The following CENPW variants were observed in gnomAD, a reference collection of about 807,000 sequenced individuals.
CENPW encodes centromere protein W, also known as cancer-up-regulated gene 2 protein.
In CENPW, 3 loss-of-function variants were observed where a neutral mutation model predicts 11.1. The observed-to-expected ratio is 0.27, with a 90% CI of 0.12 to 0.70. The LOEUF is 0.70. Among genes scored for constraint, CENPW ranks in the 30% least tolerant of loss-of-function variants. CENPW has a pLI of 0.77. For synonymous variants in CENPW, 38 were observed against 42.0 expected (o/e 0.91, Z 0.37); for missense variants, 100 against 105.6 (o/e 0.95, Z 0.23).
At chr6:126,413,289 A>G in the CENPW span, among the ~76,000 whole-genome samples, 38 of 152,146 alleles carry the variant, frequency 2.5e-4, no homozygotes, top group Non-Finnish European at 4.7e-4. Flanking sequence ...AAATAGTCAA[A>G]TTGTCAAAAA....
At chr6:126,387,362 A>G in the CENPW span, among the ~76,000 whole-genome samples, 1 of 151,996 alleles carries the variant, frequency 6.6e-6, no homozygotes, top group Non-Finnish European at 1.5e-5. Flanking sequence ...GGTGTTTCAT[A>G]TACGGCGTAG....
At chr6:126,469,565 A>AATGGGC in the CENPW span, among the ~76,000 whole-genome samples, 43 of 152,206 alleles carry the variant, frequency 2.8e-4, no homozygotes, top group Non-Finnish European at 5.9e-4. Context: ...GGAACTAGGT[A>AATGGGC]ATGGGCAGAG....
the CENPW span, among the ~76,000 whole-genome samples, chr6:126,364,941 C>A: frequency 6.6e-6 from 1 of 152,186 alleles, no homozygotes; most frequent in Non-Finnish European, 1.5e-5. Flanking sequence ...CACAATTATT[C>A]ACTTATTCAT....
the CENPW span, among the ~76,000 whole-genome samples, chr6:126,382,015 C>T: frequency 6.6e-6 from 1 of 152,078 alleles, no homozygotes; most frequent in African/African-American, 2.4e-5. Context: ...AGGTGGATCA[C>T]CTGAGGTCAG....
At chr6:126,440,749 T>C in the CENPW span, among the ~76,000 whole-genome samples, 2 of 151,464 alleles carry the variant, frequency 1.3e-5, no homozygotes, top group African/African-American at 4.8e-5. Flanking sequence ...TGGCATTAAT[T>C]AGATAAATTA....
At chr6:126,422,399 C>A in the CENPW span, among the ~76,000 whole-genome samples, 1 of 152,046 alleles carries the variant, frequency 6.6e-6, no homozygotes, top group African/African-American at 2.4e-5. Context: ...AAGGTGCTGG[C>A]AGGTTTGATT....
At chr6:126,428,988 G>C in the CENPW span, among the ~76,000 whole-genome samples, 10 of 151,956 alleles carry the variant, frequency 6.6e-5, no homozygotes, top group Non-Finnish European at 1.3e-4. Flanking sequence ...AACACAAAGA[G>C]CACACACAAG....
At chr6:126,385,966 A>G in the CENPW span, among the ~76,000 whole-genome samples, 14 of 152,126 alleles carry the variant, frequency 9.2e-5, no homozygotes, top group Non-Finnish European at 1.9e-4. Flanking sequence ...GGTAAGCTAA[A>G]CTTTCAGATA....
At chr6:126,482,541 A>G in the CENPW span, among the ~76,000 whole-genome samples, 2 of 151,910 alleles carry the variant, frequency 1.3e-5, no homozygotes, top group Non-Finnish European at 2.9e-5. Context: ...ACATGATATT[A>G]TGTATGGATT....
At chr6:126,472,774 T>C in the CENPW span, among the ~76,000 whole-genome samples, 1 of 152,136 alleles carries the variant, frequency 6.6e-6, no homozygotes, top group Non-Finnish European at 1.5e-5. Flanking sequence ...CATATGAGAG[T>C]TACAGTTCCT....
chr6:126,407,724 G>A, the CENPW span, among the ~76,000 whole-genome samples: 1 of 152,148 alleles, frequency 6.6e-6, no homozygotes, highest in Admixed American at 6.5e-5. Flanking sequence ...TTGCATGAAT[G>A]TCTTCTTTTG....
At chr6:126,346,018 CTT>C (rs1200160073) in intron 1 of CENPW, among the ~76,000 whole-genome samples, 185 bp from the exon 2 acceptor site, 1 of 152,154 alleles carries the variant, frequency 6.6e-6, no homozygotes, top group Non-Finnish European at 1.5e-5. Context: ...GACGAAGTCT[CTT>C]TGCAGGGAAT....
chr6:126,458,610 C>T, the CENPW span, among the ~76,000 whole-genome samples: 1 of 151,154 alleles, frequency 6.6e-6, no homozygotes, highest in Non-Finnish European at 1.5e-5. Context: ...AATGAATTTT[C>T]AGGACGACAC....
At chr6:126,445,478 T>G in the CENPW span, among the ~76,000 whole-genome samples, 6 of 151,344 alleles carry the variant, frequency 4.0e-5, no homozygotes, top group East Asian at 5.9e-4. Context: ...GGATTTGAAC[T>G]CTTTTCCTTG....
chr6:126,359,491 C>G, the CENPW span, among the ~76,000 whole-genome samples: 3 of 151,952 alleles, frequency 2.0e-5, no homozygotes, highest in African/African-American at 7.2e-5. Context: ...GTTTTCTGCT[C>G]CAGTGATCTG....
At chr6:126,409,806 C>T in the CENPW span, among the ~76,000 whole-genome samples, 1 of 151,622 alleles carries the variant, frequency 6.6e-6, no homozygotes, top group East Asian at 1.9e-4. Flanking sequence ...ACATCTTTAC[C>T]AGTGAAGTGA....
chr6:126,411,575 T>A, the CENPW span, among the ~76,000 whole-genome samples: 2 of 152,094 alleles, frequency 1.3e-5, no homozygotes, highest in Non-Finnish European at 2.9e-5. Flanking sequence ...GATGTGGACT[T>A]CCCACAGGGT....
At chr6:126,396,453 C>A in the CENPW span, among the ~76,000 whole-genome samples, 4 of 152,188 alleles carry the variant, frequency 2.6e-5, no homozygotes, top group Non-Finnish European at 5.9e-5. Context: ...AGGTTGAGAG[C>A]TTCCCTCTGT....
chr6:126,340,778 C>T (rs769674673), intron 1 of CENPW, among the ~76,000 whole-genome samples: 2 of 152,110 alleles, frequency 1.3e-5, no homozygotes, highest in Non-Finnish European at 2.9e-5. Context: ...TTTTGGAATT[C>T]AGTCTGGGTC....
Sources: allele counts gnomAD v4.1 joint callset (sites outside exome capture counted in the v4.1 genomes callset), GRCh38; gene constraint gnomAD v4.1.1; transcripts MANE v1.5; gene names NCBI Gene and HGNC (gene_info 2026-07-23, HGNC 2026-07-21).